Variants in TRPM2 observed in about 807,000 individuals in gnomAD.
The protein encoded by TRPM2 is estrogen-responsive element-associated gene 1 protein.
TRPM2 carries 161 observed loss-of-function variants against 174.0 expected under a neutral mutation model. The observed-to-expected ratio is 0.93, with a 90% CI of 0.81 to 1.05. The LOEUF (loss-of-function observed/expected upper bound fraction) is 1.05, where lower values mean the gene tolerates loss of function less well. Ranked by LOEUF, TRPM2 falls within the 50% of genes least tolerant of loss-of-function variation. The probability of loss-of-function intolerance (pLI) is 0.00; values close to 1 mark genes in which losing one functional copy is unlikely to be tolerated. For missense variants in TRPM2, 2,057 were observed against 2,038.0 expected, an observed-to-expected ratio of 1.01 and a Z score of -0.18; for synonymous variants, 954 against 861.3, an observed-to-expected ratio of 1.11 and a Z score of -1.88.
chr21:44,389,725 T>G (rs1395709597), intron 9 of TRPM2, among the ~76,000 whole-genome samples: 1 of 152,222 alleles, frequency 6.6e-6, no homozygotes, highest in Admixed American at 6.5e-5. Flanking sequence ...TTGTCCATTT[T>G]TATTTGATTG....
At chr21:44,431,828 C>A (rs1004968613) in intron 27 of TRPM2, among the ~76,000 whole-genome samples, 1 of 152,100 alleles carries the variant, frequency 6.6e-6, no homozygotes, top group Non-Finnish European at 1.5e-5. Flanking sequence ...AGTTTTATTG[C>A]ATTTTTGTTG....
intron 29 of TRPM2, among the ~76,000 whole-genome samples, chr21:44,437,900 C>T (rs2051341135): frequency 6.6e-6 from 1 of 152,254 alleles, no homozygotes; most frequent in Non-Finnish European, 1.5e-5. Context: ...GGCGCATGGC[C>T]TCTGGGGTAC....
chr21:44,388,917 T>C (rs2049093542), intron 9 of TRPM2, among the ~76,000 whole-genome samples: 1 of 152,162 alleles, frequency 6.6e-6, no homozygotes, highest in South Asian at 2.1e-4. Flanking sequence ...AAAAACATAA[T>C]GAATTTTAAA....
chr21:44,380,644 G>T (rs189433272), intron 8 of TRPM2, among the ~76,000 whole-genome samples: 1 of 152,290 alleles, frequency 6.6e-6, no homozygotes, highest in Non-Finnish European at 1.5e-5. Flanking sequence ...GGGTCAGTGC[G>T]CTCCTTTAAC....
chr21:44,356,634 C>T (rs760840254), intron 2 of TRPM2, among the ~76,000 whole-genome samples: 11 of 151,144 alleles, frequency 7.3e-5, no homozygotes, highest in African/African-American at 1.2e-4. Context: ...CAGGTTCATG[C>T]GATTCACCAT....
intron 2 of TRPM2, among the ~76,000 whole-genome samples, chr21:44,356,494 C>T (rs2048067536): frequency 6.6e-6 from 1 of 151,030 alleles, no homozygotes; most frequent in Non-Finnish European, 1.5e-5. Flanking sequence ...AATGGCTTCT[C>T]CATAGGCAGA....
At chr21:44,353,991 C>A in intron 1 of TRPM2, 126 bp downstream of exon 1, 2 of 1,158,176 alleles carry the variant, frequency 1.7e-6, no homozygotes, top group South Asian at 3.2e-5. Flanking sequence ...GGCTCCTGCC[C>A]AACCATACCT....
rs1785454 is a variant in TRPM2 at position 44,406,551 on chromosome 21, C to T, written c.2791-43C>T. The T allele has an allele frequency of 0.75, 1,171,169 of 1,571,980 alleles. 438,068 individuals carry two copies. The highest frequency in any genetic ancestry group is 0.76 in the Non-Finnish European group (888,579 of 1,164,884). The stretch of plus-strand genomic sequence containing the variant: ...GCCTGCCTCTGGGCCCAGTGAGCAT[C>T]GGGGGCCAGGAGAGTGTAGCCCACA... On this transcript the variant is annotated intron_variant, in intron 18 of 31. Transcript: ENST00000397928.
chr21:44,413,163 C>T (rs544277663), intron 19 of TRPM2, among the ~76,000 whole-genome samples: 1 of 152,020 alleles, frequency 6.6e-6, no homozygotes, highest in South Asian at 2.1e-4. Context: ...CAACATCTTC[C>T]CTTTTCCACA....
chr21:44,359,080 T>G (rs1473245752), intron 2 of TRPM2, among the ~76,000 whole-genome samples: 1 of 151,984 alleles, frequency 6.6e-6, no homozygotes, highest in Non-Finnish European at 1.5e-5. Context: ...TACAGAGCAC[T>G]GCTTGGTCCA....
intron 16 of TRPM2, among the ~76,000 whole-genome samples, chr21:44,403,327 C>T (rs1021094818): frequency 6.6e-6 from 1 of 152,174 alleles, no homozygotes; most frequent in Admixed American, 6.5e-5. Context: ...GCCAAGTAGG[C>T]CAAATGGGGG....
chr21:44,425,268 G>A (rs1163455049), intron 24 of TRPM2: 13 of 398,048 alleles, frequency 3.3e-5, no homozygotes, highest in South Asian at 1.2e-4. Context: ...ACCTGGTCAC[G>A]TAGGCTGAGT....
chr21:44,388,055 C>T (rs1178098036), intron 9 of TRPM2, among the ~76,000 whole-genome samples: 3 of 152,182 alleles, frequency 2.0e-5, no homozygotes. Flanking sequence ...ACATATGCCA[C>T]TCCCCACCCC....
intron 2 of TRPM2, among the ~76,000 whole-genome samples, chr21:44,360,174 A>G (rs536508327): frequency 2.2e-4 from 33 of 152,232 alleles, no homozygotes; most frequent in Non-Finnish European, 3.8e-4. Context: ...ACACCAATGA[A>G]TTGCAGTAAA....
rs1316507601 is a variant in TRPM2, at chr21:44,442,542, G to A, written c.*725G>A. ...CATGAGCAGGAGGCGGGGACGTGGG[G>A]GCCTTCTGGTTTGGTGTCAACAGCT... is the stretch of plus-strand genomic sequence containing the variant. On this transcript the variant is annotated 3_prime_UTR_variant, in exon 32 of 32. Coordinates refer to ENST00000397928, the MANE Select transcript of TRPM2 (RefSeq NM_003307.4). The A allele has an allele frequency of 2.0e-5, 3 of 152,324 alleles. No homozygotes were observed. The East Asian group carries it at 5.8e-4, about 29-fold the overall frequency. 9.4% of individuals were successfully genotyped at this position (152,324 alleles called of 1,614,324 possible).
intron 16 of TRPM2, among the ~76,000 whole-genome samples, chr21:44,404,279 TG>T (rs1439945806): frequency 2.0e-5 from 3 of 151,052 alleles, no homozygotes; most frequent in Non-Finnish European, 4.4e-5. Flanking sequence ...TGCAAATGTA[TG>T]TGCATACACA....
intron 19 of TRPM2, 45 bp downstream of exon 19, chr21:44,406,810 G>A (rs372807344): frequency 1.3e-6 from 2 of 1,560,148 alleles, no homozygotes; most frequent in East Asian, 2.4e-5. Context: ...CTGCCGGGAA[G>A]CAGGAGAGAG....
intron 9 of TRPM2, among the ~76,000 whole-genome samples, chr21:44,384,001 A>C (rs2048953754): frequency 6.6e-6 from 1 of 152,238 alleles, no homozygotes; most frequent in Admixed American, 6.5e-5. Flanking sequence ...GAAATAGTAC[A>C]GATTAGAGCA....
upstream of TRPM2, among the ~76,000 whole-genome samples, chr21:44,351,191 G>A (rs2047921303): frequency 6.6e-6 from 1 of 152,248 alleles, no homozygotes. Flanking sequence ...ATCCTCTCGA[G>A]TCGCCTGGTC....
Sources: gnomAD v4.1 joint callset for allele counts (sites outside exome capture counted in the v4.1 genomes callset) on GRCh38, gnomAD v4.1.1 for gene constraint, MANE v1.5 for transcripts, NCBI Gene and HGNC (gene_info 2026-07-23, HGNC 2026-07-21) for gene names.